The following ARPP21 variants were observed in gnomAD, a reference collection of about 807,000 sequenced individuals.
ARPP21 encodes cAMP-regulated phosphoprotein 21.
A neutral mutation model predicts 113.2 loss-of-function variants in ARPP21; 69 were observed. That is an observed-to-expected ratio of 0.61 (90% CI 0.50 to 0.74). ARPP21 has a LOEUF of 0.74. Ranked by LOEUF, ARPP21 falls within the 30% of genes least tolerant of loss-of-function variation. ARPP21 has a pLI of 0.00. For missense variants in ARPP21, 1,070 were observed against 1,037.4 expected (o/e 1.03, Z -0.43); for synonymous variants, 368 against 375.5 (o/e 0.98, Z 0.23).
chr3:35,725,904 C>A (rs565959559), intron 14 of ARPP21, among the ~76,000 whole-genome samples: 1 of 152,240 alleles, frequency 6.6e-6, no homozygotes, highest in Non-Finnish European at 1.5e-5. Flanking sequence ...TTGGTCAGGG[C>A]CCTGGCCCCC....
intron 15 of ARPP21, among the ~76,000 whole-genome samples, chr3:35,736,138 G>A (rs2094335567): frequency 6.6e-6 from 1 of 152,048 alleles, no homozygotes; most frequent in Non-Finnish European, 1.5e-5. Context: ...TTATATTTCT[G>A]AATAGGTTGC....
intron 19 of ARPP21, chr3:35,744,440 T>C: frequency 1.9e-6 from 1 of 521,130 alleles, no homozygotes; most frequent in Non-Finnish European, 3.9e-6. Flanking sequence ...ACTTTCATGA[T>C]GGCCACATGC....
intron 19 of ARPP21, among the ~76,000 whole-genome samples, chr3:35,774,289 G>A (rs2096289606): frequency 6.6e-6 from 1 of 152,004 alleles, no homozygotes; most frequent in African/African-American, 2.4e-5. Flanking sequence ...TTTAAAATAT[G>A]GCTGAAAATA....
chr3:35,742,403 GTT>G (rs1014595673), intron 18 of ARPP21, among the ~76,000 whole-genome samples: 3 of 152,120 alleles, frequency 2.0e-5, no homozygotes, highest in Non-Finnish European at 4.4e-5. Context: ...AGAATTATTT[GTT>G]TTTTATTGTT....
chr3:35,678,623 C>T (rs926822961), intron 1 of ARPP21, among the ~76,000 whole-genome samples: 1 of 151,904 alleles, frequency 6.6e-6, no homozygotes, highest in East Asian at 1.9e-4. Flanking sequence ...AATCCAGAAA[C>T]TATTGACTGT....
chr3:35,683,132 T>A (rs1158882459), intron 4 of ARPP21, among the ~76,000 whole-genome samples: 12 of 151,814 alleles, frequency 7.9e-5, no homozygotes, highest in Admixed American at 7.9e-4. Context: ...ATGTATTTGA[T>A]CCTGTGTTCA....
intron 19 of ARPP21, among the ~76,000 whole-genome samples, chr3:35,746,121 C>T (rs2095033429): frequency 6.6e-6 from 1 of 152,184 alleles, no homozygotes; most frequent in African/African-American, 2.4e-5. Flanking sequence ...ACACTGAGAC[C>T]TTTGGGCTCT....
At chr3:35,642,612 C>T (rs141624213) in intron 1 of ARPP21, among the ~76,000 whole-genome samples, 1 of 152,098 alleles carries the variant, frequency 6.6e-6, no homozygotes, top group South Asian at 2.1e-4. Flanking sequence ...TTCCTGCATG[C>T]AGACTATTTT....
At chr3:35,762,274 T>C (rs975178532) in intron 19 of ARPP21, among the ~76,000 whole-genome samples, 8 of 152,218 alleles carry the variant, frequency 5.3e-5, no homozygotes, top group South Asian at 4.1e-4. Flanking sequence ...AAAAATATTC[T>C]CCTTTGTGCT....
intron 15 of ARPP21, among the ~76,000 whole-genome samples, chr3:35,731,980 GA>G (rs1368102743): frequency 3.9e-5 from 6 of 152,066 alleles, no homozygotes; most frequent in Non-Finnish European, 8.8e-5. Flanking sequence ...TGCTTCTCCA[GA>G]ATGGATAAAA....
At chr3:35,765,150 T>G (rs2095917547) in intron 19 of ARPP21, among the ~76,000 whole-genome samples, 1 of 152,154 alleles carries the variant, frequency 6.6e-6, no homozygotes, top group African/African-American at 2.4e-5. Context: ...TTTTCACACC[T>G]TACTAAACAA....
At chr3:35,740,095 C>A (rs1051238181) in intron 18 of ARPP21, among the ~76,000 whole-genome samples, 3 of 152,138 alleles carry the variant, frequency 2.0e-5, no homozygotes, top group Admixed American at 6.5e-5. Context: ...TTTTCTCTCC[C>A]TAAGGGGAAG....
In ARPP21 at chr3:35,762,247, C is replaced by T. The variant is rs532949843; in HGVS notation, c.2137+18282C>T. ...CTTCAAATATTTTCAATTAAAATTACAGAGATATTCTGTGGTAAAAATATT... is the reference window on the plus strand; with the variant it reads ...CTTCAAATATTTTCAATTAAAATTATAGAGATATTCTGTGGTAAAAATATT... On this transcript the variant is annotated intron_variant, in intron 19 of 20. Coordinates refer to ENST00000684406, the MANE Select transcript of ARPP21 (RefSeq NM_001385562.1). Among the ~76,000 whole-genome samples, 3 of 151,974 alleles carry T rather than the reference C, an allele frequency of 2.0e-5. No homozygotes were observed. In the South Asian group the frequency reaches 6.2e-4, roughly 32 times the overall value.
intron 9 of ARPP21, among the ~76,000 whole-genome samples, chr3:35,697,874 C>T (rs919853940): frequency 1.3e-4 from 20 of 151,630 alleles, no homozygotes; most frequent in Non-Finnish European, 2.2e-4. Flanking sequence ...ATGTGCGTGG[C>T]TCTGTGAATA....
chr3:35,689,692 A>G (rs916341590), intron 7 of ARPP21, among the ~76,000 whole-genome samples: 2 of 151,626 alleles, frequency 1.3e-5, no homozygotes, highest in African/African-American at 4.8e-5. Context: ...AAATAAGCCA[A>G]TTATGTTTTA....
chr3:35,689,663 A>G (rs1193682932), intron 7 of ARPP21, among the ~76,000 whole-genome samples: 1 of 151,660 alleles, frequency 6.6e-6, no homozygotes, highest in East Asian at 1.9e-4. Flanking sequence ...AAAAATAGCA[A>G]ATAAAAATTA....
intron 14 of ARPP21, among the ~76,000 whole-genome samples, chr3:35,723,131 G>T (rs947548616): frequency 6.6e-6 from 1 of 152,098 alleles, no homozygotes; most frequent in Non-Finnish European, 1.5e-5. Flanking sequence ...GGAGGCCAAG[G>T]CAGGAGTGGG....
chr3:35,667,430 T>A (rs1458220633), intron 1 of ARPP21, among the ~76,000 whole-genome samples: 3 of 152,184 alleles, frequency 2.0e-5, no homozygotes, highest in Non-Finnish European at 4.4e-5. Context: ...ATTCATTAAA[T>A]AACTAATTCA....
intron 14 of ARPP21, among the ~76,000 whole-genome samples, chr3:35,722,749 T>G (rs1364052959): frequency 6.6e-6 from 1 of 152,234 alleles, no homozygotes; most frequent in Non-Finnish European, 1.5e-5. Context: ...AACTTTAAAC[T>G]GATGGAAGCA....
Sources: allele counts gnomAD v4.1 joint callset (sites outside exome capture counted in the v4.1 genomes callset), GRCh38; gene constraint gnomAD v4.1.1; transcripts MANE v1.5; gene names NCBI Gene and HGNC (gene_info 2026-07-23, HGNC 2026-07-21).